Variants in AFF3 observed in about 807,000 individuals in gnomAD.
AFF3 encodes the protein AF4/FMR2 family member 3.
AFF3 carries 32 observed loss-of-function variants against 129.7 expected under a neutral mutation model. The observed-to-expected ratio is 0.25, with a 90% CI of 0.19 to 0.33. The LOEUF (loss-of-function observed/expected upper bound fraction) is 0.33, where lower values mean the gene tolerates loss of function less well. Ranked by LOEUF, AFF3 falls within the 10% of genes least tolerant of loss-of-function variation. The pLI is 1.00. For missense variants in AFF3, 1,373 were observed against 1,592.0 expected (o/e 0.86, Z 2.34); for synonymous variants, 644 against 635.4 (o/e 1.01, Z -0.20).
chr2:100,135,268 T>C (rs1365646719), intron 1 of AFF3, among the ~76,000 whole-genome samples: 1 of 152,168 alleles, frequency 6.6e-6, no homozygotes, highest in Non-Finnish European at 1.5e-5. Context: ...CAATGTGACA[T>C]TGTCACGCCT....
intron 4 of AFF3, among the ~76,000 whole-genome samples, chr2:100,098,394 T>G (rs1415196564): frequency 6.6e-6 from 1 of 151,760 alleles, no homozygotes; most frequent in Non-Finnish European, 1.5e-5. Context: ...AAAAAAAAAA[T>G]CAAACAGGCA....
At position 99,594,165 on chromosome 2, in the gene AFF3, G is replaced by A; in HGVS notation, c.1496C>T (p.Pro499Leu). 6.2e-7 allele frequency: 1 copy of A among 1,614,122 alleles called. No homozygotes were observed. The highest frequency in any genetic ancestry group is 8.5e-7 in the Non-Finnish European group (1 of 1,180,026). ...ACAGTCCTGGACGTCCTCTTTCACC[G>A]GGTTGTAGTACTGATTGCTCTCTGA... ...HGSESNQYYNPVKEDVQDCGK... is the reference protein window; with the variant it reads ...HGSESNQYYNLVKEDVQDCGK... Residue 499 changes from proline to leucine, a missense_variant, in exon 15 of 25, where the codon CCG (proline) becomes CTG (leucine). Pro to Leu is a moderately conservative substitution (Grantham distance 98). This residue lies in a region of AFF3 where 413 missense variants were observed against 424.4 expected (regional missense o/e 0.97). Transcript: ENST00000672756.
chr2:99,571,582 C>T (rs1045530972), intron 18 of AFF3, among the ~76,000 whole-genome samples: 16 of 152,170 alleles, frequency 1.1e-4, no homozygotes, highest in African/African-American at 3.9e-4. Context: ...CGTATCAGAG[C>T]AGCTATAATC....
At chr2:99,670,814 G>T (rs1687084943) in intron 12 of AFF3, among the ~76,000 whole-genome samples, 5 of 152,136 alleles carry the variant, frequency 3.3e-5, no homozygotes, top group Admixed American at 6.5e-5. Context: ...CATTCTGTCA[G>T]TTCCTTTTAT....
intron 8 of AFF3, among the ~76,000 whole-genome samples, 190 bp downstream of exon 8, chr2:99,837,287 G>A (rs1290427396): frequency 2.0e-5 from 3 of 152,114 alleles, no homozygotes; most frequent in African/African-American, 7.2e-5. Flanking sequence ...CTGTGCAGAG[G>A]TGCCCAGAGG....
chr2:99,873,253 C>G (rs927221192), intron 7 of AFF3, among the ~76,000 whole-genome samples: 3 of 152,180 alleles, frequency 2.0e-5, no homozygotes, highest in Non-Finnish European at 4.4e-5. Context: ...TTTTTAAAAA[C>G]TGGGTGTTCG....
intron 13 of AFF3, among the ~76,000 whole-genome samples, chr2:99,623,071 AC>A (rs1350859896): frequency 2.0e-5 from 3 of 151,732 alleles, no homozygotes; most frequent in African/African-American, 7.3e-5. Context: ...TTCAGAGCAC[AC>A]CTGGCAGCAC....
intron 1 of AFF3, among the ~76,000 whole-genome samples, 190 bp from the exon 2 acceptor site, chr2:100,129,496 G>A (rs1692333819): frequency 6.6e-6 from 1 of 151,504 alleles, no homozygotes; most frequent in Admixed American, 6.6e-5. Flanking sequence ...TTACTCTCTA[G>A]GAACCCAAAG....
intron 8 of AFF3, among the ~76,000 whole-genome samples, chr2:99,775,102 ATG>A (rs1683790367): frequency 1.3e-5 from 2 of 152,214 alleles, no homozygotes; most frequent in Admixed American, 1.3e-4. Context: ...CATGCTGGCA[ATG>A]TCGTGGAGAA....
intron 9 of AFF3, 59 bp downstream of exon 9, chr2:99,752,162 C>T: frequency 1.4e-6 from 2 of 1,428,940 alleles, no homozygotes; most frequent in South Asian, 1.2e-5. Flanking sequence ...AAGCCCACTG[C>T]CCACTAGAAA....
chr2:99,551,985 G>A (rs1450411404), intron 24 of AFF3, among the ~76,000 whole-genome samples: 2 of 152,176 alleles, frequency 1.3e-5, no homozygotes, highest in African/African-American at 2.4e-5. Flanking sequence ...AGTCCAAGGG[G>A]TGAGGCTCCA....
chr2:99,611,263 T>C (rs867099797), intron 13 of AFF3, among the ~76,000 whole-genome samples: 2 of 152,234 alleles, frequency 1.3e-5, no homozygotes, highest in Non-Finnish European at 2.9e-5. Flanking sequence ...TTTAAAATGC[T>C]TGTCAGATAA....
At chr2:99,894,735 A>G (rs1693816532) in intron 7 of AFF3, among the ~76,000 whole-genome samples, 1 of 151,932 alleles carries the variant, frequency 6.6e-6, no homozygotes, top group Non-Finnish European at 1.5e-5. Context: ...TCGGCCTCCC[A>G]AAGTGTTGGG....
intron 8 of AFF3, among the ~76,000 whole-genome samples, chr2:99,771,922 A>C (rs889807784): frequency 6.6e-6 from 1 of 152,188 alleles, no homozygotes; most frequent in African/African-American, 2.4e-5. Flanking sequence ...AAGAATAGCT[A>C]ATTGGGGTTT....
intron 13 of AFF3, 50 bp downstream of exon 13, chr2:99,649,576 C>T: frequency 1.3e-6 from 2 of 1,577,850 alleles, no homozygotes; most frequent in African/African-American, 1.3e-5. Context: ...ATAAATAGGG[C>T]TCAATGTTTC....
intron 13 of AFF3, among the ~76,000 whole-genome samples, chr2:99,640,000 G>A (rs151106625): frequency 1.2e-4 from 18 of 152,116 alleles, no homozygotes; most frequent in South Asian, 8.3e-4. Flanking sequence ...ACTTTTTTCC[G>A]TGAGTAAAGT....
chr2:99,868,305 G>A (rs2105948217), intron 7 of AFF3, among the ~76,000 whole-genome samples: 1 of 152,132 alleles, frequency 6.6e-6, no homozygotes, highest in African/African-American at 2.4e-5. Context: ...TGCTAAAGTA[G>A]CTAATTGTAT....
At chr2:99,574,005 G>A (rs1245258302) in intron 18 of AFF3, among the ~76,000 whole-genome samples, 1 of 152,142 alleles carries the variant, frequency 6.6e-6, no homozygotes, top group African/African-American at 2.4e-5. Context: ...ACTTCTGTAC[G>A]GAGGCCTTCA....
chr2:99,892,440 T>C (rs1693640080), intron 7 of AFF3, among the ~76,000 whole-genome samples: 2 of 152,200 alleles, frequency 1.3e-5, no homozygotes, highest in African/African-American at 4.8e-5. Context: ...AGCAAAATTA[T>C]AAAAGCTCTT....
Sources: allele counts gnomAD v4.1 joint callset (sites outside exome capture counted in the v4.1 genomes callset), GRCh38; gene constraint gnomAD v4.1.1; regional missense constraint gnomAD v4.1.1; transcripts MANE v1.5; gene names NCBI Gene and HGNC (gene_info 2026-07-23, HGNC 2026-07-21).